Variants in BBS9 observed in about 807,000 individuals in gnomAD.
The protein encoded by BBS9 is protein PTHB1.
BBS9 carries 89 observed loss-of-function variants against 117.7 expected under a neutral mutation model. The observed-to-expected ratio is 0.76, with a 90% CI of 0.64 to 0.90. The LOEUF is 0.90. BBS9 is among the 40% of genes least tolerant of loss of function. The pLI is 0.00. For missense variants in BBS9, 982 were observed against 1,042.2 expected (o/e 0.94, Z 0.80); for synonymous variants, 379 against 370.9 (o/e 1.02, Z -0.25).
At chr7:33,624,072 C>T (rs1865532961) in intron 21 of BBS9, among the ~76,000 whole-genome samples, 1 of 151,852 alleles carries the variant, frequency 6.6e-6, no homozygotes, top group South Asian at 2.1e-4. Context: ...AACGACATGC[C>T]TCTAATTTCC....
chr7:33,587,249 C>CTCTGGGT, intron 21 of BBS9, among the ~76,000 whole-genome samples: 1 of 151,998 alleles, frequency 6.6e-6, no homozygotes, highest in East Asian at 1.9e-4. Flanking sequence ...GCCACTTACC[C>CTCTGGGT]TCATTCCCTC....
chr7:33,403,040 G>A (rs1013578317), intron 19 of BBS9, among the ~76,000 whole-genome samples: 7 of 152,070 alleles, frequency 4.6e-5, no homozygotes, highest in African/African-American at 1.4e-4. Flanking sequence ...GTTTATGACT[G>A]CATAGTATTC....
Position 33,145,775 on chromosome 7 carries a change from G to A in BBS9, c.-11-467G>A, listed in dbSNP as rs551746204. 1.6e-4 allele frequency among the ~76,000 whole-genome samples: 24 copies of A among 152,252 alleles called. 1 individual carries two copies. In the East Asian group the frequency reaches 4.6e-3, roughly 29 times the overall value. ...ATACTAGGTCATTATATATAATAAG[G>A]GACTTGAGCATCTGGGGATTTTTCA... On this transcript the variant is annotated intron_variant, in intron 1 of 22. Coordinates refer to ENST00000242067, the MANE Select transcript of BBS9 (RefSeq NM_198428.3).
intron 21 of BBS9, among the ~76,000 whole-genome samples, chr7:33,555,679 T>G (rs892212631): frequency 6.6e-6 from 1 of 152,170 alleles, no homozygotes; most frequent in African/African-American, 2.4e-5. Flanking sequence ...CCCAGATTGC[T>G]GGTTCTAGTT....
At chr7:33,219,051 G>A (rs1789639667) in intron 5 of BBS9, among the ~76,000 whole-genome samples, 1 of 152,228 alleles carries the variant, frequency 6.6e-6, no homozygotes, top group South Asian at 2.1e-4. Context: ...TGTGGGCTTG[G>A]CGGGCCCCGC....
chr7:33,467,108 G>A lies in BBS9; in HGVS notation c.2116-38355G>A, dbSNP rs558185986. On this transcript the variant is annotated intron_variant, in intron 19 of 22. Coordinates refer to ENST00000242067, the MANE Select transcript of BBS9 (RefSeq NM_198428.3). ...ACTGTTGATCTTTAAAGAGAATATG[G>A]GTTACCTTTTCAGTGGGGGCGGAGG... Among the ~76,000 whole-genome samples the A allele has an allele frequency of 3.2e-4, 49 of 151,932 alleles. 1 individual carries two copies. In the South Asian group the frequency reaches 0.01, roughly 32 times the overall value.
intron 5 of BBS9, among the ~76,000 whole-genome samples, chr7:33,241,601 C>T (rs1794534241): frequency 6.6e-6 from 1 of 152,076 alleles, no homozygotes; most frequent in Non-Finnish European, 1.5e-5. Flanking sequence ...CTTAACTTCA[C>T]ATGTATTTTC....
rs552261275 is a variant in BBS9 at position 33,304,526 on chromosome 7, C to T, written c.1016+30570C>T. Among the ~76,000 whole-genome samples, 7 of 151,704 alleles carry T rather than the reference C, an allele frequency of 4.6e-5. No individual in the cohort carries two copies. In the East Asian group the frequency reaches 9.8e-4, roughly 21 times the overall value. ...ACCACCCCGTCTGGGATCTGAGGAG[C>T]GTCTCTCCTCGGCTGCCCTGTCTGG... On this transcript the variant is annotated intron_variant, in intron 9 of 22. Transcript: ENST00000242067.
At position 33,605,629 on chromosome 7, in the gene BBS9, A is replaced by T. The variant is rs1433985649; in HGVS notation, c.*403A>T. 4.3e-6 allele frequency: 1 copy of T among 231,236 alleles called. No individual in the cohort carries two copies. Among genetic ancestry groups the T allele is most frequent in the Admixed American group, 5.2e-5 (1 of 19,360 alleles). The allele number at this position is 231,236 out of a possible 1,614,324, so 14.3% of individuals were successfully genotyped here. A position where few individuals can be genotyped will look rare whatever the true frequency, so the allele number is the denominator to read the frequency against. On this transcript the variant is annotated 3_prime_UTR_variant, in exon 23 of 23. Coordinates refer to ENST00000242067, the MANE Select transcript of BBS9 (RefSeq NM_198428.3). ...GTTTAATAAAGCATCTCATTGTCAA[A>T]TAATATCTTGGATTTTATTTATAAT...
intron 21 of BBS9, among the ~76,000 whole-genome samples, chr7:33,549,138 C>T (rs1474175028): frequency 7.0e-6 from 1 of 143,036 alleles, no homozygotes; most frequent in Non-Finnish European, 1.5e-5. Context: ...CTACAGCTAT[C>T]TGATCTTTGA....
chr7:33,559,020 C>A (rs1343246545), intron 21 of BBS9, among the ~76,000 whole-genome samples: 1 of 152,164 alleles, frequency 6.6e-6, no homozygotes, highest in Non-Finnish European at 1.5e-5. Context: ...CCTTGATGTG[C>A]AGACTTACGA....
intron 1 of BBS9, among the ~76,000 whole-genome samples, chr7:33,137,414 A>G (rs561949089): frequency 1.2e-4 from 19 of 152,222 alleles, no homozygotes; most frequent in African/African-American, 3.4e-4. Context: ...TGGCCCTCCA[A>G]CCTGGTAGGG....
chr7:33,341,923 C>A (rs1208788807), intron 11 of BBS9, among the ~76,000 whole-genome samples: 47 of 152,132 alleles, frequency 3.1e-4, no homozygotes. Flanking sequence ...AGATGATCAC[C>A]AACAGAAATT....
intron 11 of BBS9, among the ~76,000 whole-genome samples, chr7:33,344,078 G>GT (rs34530007): frequency 0.035 from 2,370 of 66,986 alleles, 83 homozygotes; most frequent in East Asian, 0.066. Flanking sequence ...TAGGGGATGA[G>GT]TTTTTTTTTT....
At chr7:33,199,520 C>T (rs898168123) in intron 5 of BBS9, among the ~76,000 whole-genome samples, 5 of 151,628 alleles carry the variant, frequency 3.3e-5, no homozygotes, top group South Asian at 4.2e-4. Flanking sequence ...TTGTATTTAT[C>T]GCACAGTTAT....
At chr7:33,360,388 C>G (rs1820399579) in intron 16 of BBS9, among the ~76,000 whole-genome samples, 2 of 152,040 alleles carry the variant, frequency 1.3e-5, no homozygotes. Flanking sequence ...GTACCCCAAA[C>G]CTTGCCAATA....
chr7:33,424,672 G>A (rs1176348489), intron 19 of BBS9, among the ~76,000 whole-genome samples: 1 of 152,104 alleles, frequency 6.6e-6, no homozygotes, highest in Non-Finnish European at 1.5e-5. Flanking sequence ...ACAGAATTTT[G>A]TAGGAAATTT....
intron 21 of BBS9, among the ~76,000 whole-genome samples, chr7:33,603,860 G>A (rs147362764): frequency 5.3e-5 from 8 of 152,288 alleles, no homozygotes; most frequent in African/African-American, 1.2e-4. Context: ...ATGCAGAGGC[G>A]TGGATAGTAA....
intron 9 of BBS9, among the ~76,000 whole-genome samples, chr7:33,284,361 G>A (rs574506971): frequency 6.6e-6 from 1 of 152,258 alleles, no homozygotes; most frequent in Admixed American, 6.5e-5. Context: ...TAGAATTCAA[G>A]TCTTTGTCAG....
Sources: allele counts gnomAD v4.1 joint callset (sites outside exome capture counted in the v4.1 genomes callset), GRCh38; gene constraint gnomAD v4.1.1; transcripts MANE v1.5; gene names NCBI Gene and HGNC (gene_info 2026-07-23, HGNC 2026-07-21).